The following SORCS3 variants were observed in gnomAD, a reference collection of about 807,000 sequenced individuals.
SORCS3 encodes the protein sortilin related VPS10 domain containing receptor 3.
SORCS3 carries 57 observed loss-of-function variants against 146.3 expected under a neutral mutation model. The observed-to-expected ratio is 0.39, with a 90% CI of 0.31 to 0.49. SORCS3 has a LOEUF of 0.49. Ranked by LOEUF, SORCS3 falls within the 20% of genes least tolerant of loss-of-function variation. The probability of loss-of-function intolerance (pLI) is 0.92; values close to 1 mark genes in which losing one functional copy is unlikely to be tolerated. For synonymous variants in SORCS3, 653 were observed against 618.5 expected, an observed-to-expected ratio of 1.06 and a Z score of -0.83; for missense variants, 1,341 against 1,575.5, an observed-to-expected ratio of 0.85 and a Z score of 2.52.
chr10:104,821,137 T>C (rs1007106781), intron 1 of SORCS3, among the ~76,000 whole-genome samples: 20 of 152,224 alleles, frequency 1.3e-4, no homozygotes, highest in African/African-American at 4.6e-4. Flanking sequence ...TTCCACACTG[T>C]GTACCTTCAG....
At chr10:104,772,504 C>T (rs138373025) in intron 1 of SORCS3, among the ~76,000 whole-genome samples, 90 of 152,326 alleles carry the variant, frequency 5.9e-4, no homozygotes, top group Middle Eastern at 3.4e-3. Context: ...ACAATGTCTG[C>T]TGGGTACTTT....
chr10:104,753,896 GC>G (rs1411549218), intron 1 of SORCS3, among the ~76,000 whole-genome samples: 1 of 152,192 alleles, frequency 6.6e-6, no homozygotes, highest in Non-Finnish European at 1.5e-5. Flanking sequence ...ATTTTCAGAA[GC>G]CTCAAATGTA....
intron 20 of SORCS3, among the ~76,000 whole-genome samples, chr10:105,228,191 A>G (rs1276115754): frequency 6.6e-6 from 1 of 151,372 alleles, no homozygotes; most frequent in Non-Finnish European, 1.5e-5. Context: ...TTTCTCTCTT[A>G]TTGTTTATCA....
At chr10:104,882,796 G>C (rs1021325784) in intron 2 of SORCS3, among the ~76,000 whole-genome samples, 1 of 152,188 alleles carries the variant, frequency 6.6e-6, no homozygotes, top group Non-Finnish European at 1.5e-5. Flanking sequence ...TGGGATGATA[G>C]CATCTTTGAA....
intron 3 of SORCS3, among the ~76,000 whole-genome samples, chr10:104,928,962 A>G (rs2019178741): frequency 6.6e-6 from 1 of 152,236 alleles, no homozygotes; most frequent in Non-Finnish European, 1.5e-5. Context: ...AATGAATCAG[A>G]GAGGACAGAA....
intron 22 of SORCS3, among the ~76,000 whole-genome samples, chr10:105,251,274 C>A (rs557488014): frequency 5.9e-5 from 9 of 152,136 alleles, no homozygotes; most frequent in Non-Finnish European, 1.3e-4. Context: ...CTTATAAAAC[C>A]ATTAGCTCTC....
chr10:104,962,491 C>G (rs1418983800), intron 3 of SORCS3, among the ~76,000 whole-genome samples: 1 of 152,138 alleles, frequency 6.6e-6, no homozygotes, highest in Non-Finnish European at 1.5e-5. Flanking sequence ...CAGATTCTTA[C>G]TCCATAGGGG....
At chr10:104,761,191 T>C (rs1384368692) in intron 1 of SORCS3, among the ~76,000 whole-genome samples, 1 of 152,182 alleles carries the variant, frequency 6.6e-6, no homozygotes, top group Non-Finnish European at 1.5e-5. Flanking sequence ...ATTATTTCTG[T>C]TTTTTCTCCT....
chr10:104,642,022 G>GTC, intron 1 of SORCS3, 68 bp downstream of exon 1: 1 of 173,336 alleles, frequency 5.8e-6, no homozygotes, highest in Non-Finnish European at 1.1e-5. Flanking sequence ...GGGTGGGTGG[G>GTC]AGCGAGGGAC....
chr10:105,157,311 T>G, intron 10 of SORCS3, 27 bp downstream of exon 10: 3 of 1,611,722 alleles, frequency 1.9e-6, no homozygotes, highest in Non-Finnish European at 2.5e-6. Flanking sequence ...CATGGGAAGT[T>G]CACAGGGCAG....
At chr10:104,660,528 C>T (rs1420213946) in intron 1 of SORCS3, among the ~76,000 whole-genome samples, 1 of 152,182 alleles carries the variant, frequency 6.6e-6, no homozygotes, top group African/African-American at 2.4e-5. Context: ...GAAGTGAGCT[C>T]CTGTGGCCCT....
At chr10:104,869,124 A>G (rs1173953137) in intron 2 of SORCS3, among the ~76,000 whole-genome samples, 1 of 152,106 alleles carries the variant, frequency 6.6e-6, no homozygotes, top group Non-Finnish European at 1.5e-5. Context: ...TAGAACCAAT[A>G]TGATGGATAT....
chr10:104,712,662 T>C (rs977464357), intron 1 of SORCS3, among the ~76,000 whole-genome samples: 1 of 152,208 alleles, frequency 6.6e-6, no homozygotes, highest in Non-Finnish European at 1.5e-5. Flanking sequence ...GGCCTCCATC[T>C]TGTAACAACA....
In SORCS3 at chr10:105,243,783, A is replaced by G. The variant is rs551242366; in HGVS notation, c.2869-1759A>G. ...CCAGCCATCAACCTCGTCATAAAAC[A>G]GAGCTATAGAATTTTAAAGCAGAAG... is the stretch of plus-strand genomic sequence containing the variant. On this transcript the variant is annotated intron_variant, in intron 20 of 26. Coordinates refer to ENST00000369701, the MANE Select transcript of SORCS3 (RefSeq NM_014978.3). Among the ~76,000 whole-genome samples, 14 of 152,356 alleles carry G rather than the reference A, an allele frequency of 9.2e-5. No individual in the cohort carries two copies. In the South Asian group the frequency reaches 2.9e-3, roughly 32 times the overall value.
Position 104,662,884 on chromosome 10 carries a change from A to G in SORCS3, c.627+20930A>G, listed in dbSNP as rs186851633. Among the ~76,000 whole-genome samples, 51 of 152,340 alleles carry G rather than the reference A, an allele frequency of 3.3e-4. No homozygotes were observed. The East Asian group carries it at 8.1e-3, about 24-fold the overall frequency. ...GGCACTGGGAACTCTTAGTAATTTT[A>G]AACAAGGGAAACATGTAATTAGCAG... is the stretch of plus-strand genomic sequence containing the variant. On this transcript the variant is annotated intron_variant, in intron 1 of 26. Coordinates refer to ENST00000369701, the MANE Select transcript of SORCS3 (RefSeq NM_014978.3).
chr10:105,047,334 A>G (rs2055380427), intron 5 of SORCS3, among the ~76,000 whole-genome samples: 1 of 152,090 alleles, frequency 6.6e-6, no homozygotes, highest in African/African-American at 2.4e-5. Flanking sequence ...GATGGCATTC[A>G]CTTGTATGGT....
At chr10:104,928,489 T>A (rs951347747) in intron 3 of SORCS3, among the ~76,000 whole-genome samples, 1 of 151,978 alleles carries the variant, frequency 6.6e-6, no homozygotes, top group African/African-American at 2.4e-5. Context: ...GAGATATCTG[T>A]AACAAATACA....
chr10:104,820,078 T>C (rs897095166), intron 1 of SORCS3, among the ~76,000 whole-genome samples: 4 of 152,188 alleles, frequency 2.6e-5, no homozygotes, highest in African/African-American at 7.2e-5. Context: ...CACCAAGCTG[T>C]CATGGTAACT....
At chr10:104,915,693 G>A (rs913483682) in intron 2 of SORCS3, 140 bp from the exon 3 acceptor site, 4 of 681,034 alleles carry the variant, frequency 5.9e-6, no homozygotes, top group Admixed American at 4.7e-5. Flanking sequence ...TAAAATTAAT[G>A]GGGCTTTTTA....
Sources: allele counts gnomAD v4.1 joint callset (sites outside exome capture counted in the v4.1 genomes callset), GRCh38; gene constraint gnomAD v4.1.1; transcripts MANE v1.5; gene names NCBI Gene and HGNC (gene_info 2026-07-23, HGNC 2026-07-21).